The following STAP2 variants were observed in gnomAD, a reference collection of about 807,000 sequenced individuals.
STAP2 encodes the protein signal-transducing adaptor protein 2.
Under a neutral mutation model 52.7 loss-of-function variants are expected in STAP2, and 58 were observed. The observed-to-expected ratio is 1.10, with a 90% CI of 0.89 to 1.37. The LOEUF is 1.37. Among genes scored for constraint, STAP2 ranks in the 40% most tolerant of loss-of-function variants. STAP2 has a pLI of 0.00. For synonymous variants in STAP2, 231 were observed against 210.5 expected, an observed-to-expected ratio of 1.10 and a Z score of -0.84; for missense variants, 522 against 519.4, an observed-to-expected ratio of 1.00 and a Z score of -0.05.
chr19:4,325,746 G>A (rs1005995804), intron 9 of STAP2, among the ~76,000 whole-genome samples: 1 of 152,158 alleles, frequency 6.6e-6, no homozygotes, highest in Non-Finnish European at 1.5e-5. Flanking sequence ...CAGGGTGGGC[G>A]GATCACCTGA....
intron 9 of STAP2, 148 bp from the exon 10 acceptor site, chr19:4,325,693 G>A (rs925179200): frequency 1.8e-5 from 18 of 1,023,106 alleles, no homozygotes; most frequent in East Asian, 7.8e-5. Flanking sequence ...TGTCTGGGCC[G>A]GGCGCGGTGG....
At chr19:4,337,411 T>C (rs749088779) in intron 1 of STAP2, among the ~76,000 whole-genome samples, 1 of 150,924 alleles carries the variant, frequency 6.6e-6, no homozygotes, top group Admixed American at 6.6e-5. Flanking sequence ...TTTGTATTTT[T>C]AGTAGAGACG....
chr19:4,329,125 C>G, intron 5 of STAP2: 2 of 323,196 alleles, frequency 6.2e-6, no homozygotes, highest in Non-Finnish European at 1.1e-5. Flanking sequence ...CTCACAGGCC[C>G]GGCTAATTTT....
At chr19:4,328,600 C>T in intron 6 of STAP2, 75 bp downstream of exon 6, 1 of 1,529,816 alleles carries the variant, frequency 6.5e-7, no homozygotes. Context: ...TCCGCCCCTG[C>T]TTCTGACCAC....
chr19:4,331,876 G>A, intron 4 of STAP2, 146 bp downstream of exon 4: 5 of 694,156 alleles, frequency 7.2e-6, no homozygotes, highest in East Asian at 3.7e-5. Context: ...AGCTTGCAGT[G>A]AGCCGAGATC....
chr19:4,329,065 A>G, intron 5 of STAP2: 1 of 456,942 alleles, frequency 2.2e-6, no homozygotes, highest in Non-Finnish European at 3.8e-6. Flanking sequence ...CAATGGCGCT[A>G]TCTCGGCTCA....
At chr19:4,324,299 C>T (rs568738243) in intron 12 of STAP2, 102 bp from the exon 13 acceptor site, 14 of 1,355,576 alleles carry the variant, frequency 1.0e-5, no homozygotes, top group South Asian at 1.0e-4. Flanking sequence ...TGCAGGGCCC[C>T]GTGCAACAGG....
At chr19:4,338,525 G>C in intron 1 of STAP2, 127 bp downstream of exon 1, 1 of 862,490 alleles carries the variant, frequency 1.2e-6, no homozygotes, top group Non-Finnish European at 1.7e-6. Context: ...CAGTCCCCCA[G>C]CACGTGTCCT....
intron 6 of STAP2, 24 bp from the exon 7 acceptor site, chr19:4,327,409 G>C (rs781071181): frequency 6.2e-7 from 1 of 1,613,742 alleles, no homozygotes; most frequent in East Asian, 2.2e-5. Flanking sequence ...AAGCGAGTGA[G>C]TGGCTCAGCC....
chr19:4,327,215 G>A lies in STAP2; in HGVS notation c.672C>T (p.Thr224=), dbSNP rs752018305. The A allele has an allele frequency of 2.5e-6, 4 of 1,614,084 alleles. No individual in the cohort carries two copies. The highest frequency in any genetic ancestry group is 3.4e-6 in the Non-Finnish European group (4 of 1,180,038). ...VIDVEQPFSC[T]SLDAVVNYFV... ...AATAGTTGACCACGGCGTCCAGGGA[G>A]GTGCAAGAGAACTGGGGGCAGATGG... Residue 224 remains threonine (T), a synonymous_variant, in exon 8 of 13, where the codon ACC becomes ACT. Transcript: ENST00000594605.
chr19:4,326,746 T>C (rs1420469680), intron 9 of STAP2, among the ~76,000 whole-genome samples, 196 bp downstream of exon 9: 3 of 152,088 alleles, frequency 2.0e-5, no homozygotes, highest in Admixed American at 6.6e-5. Context: ...TGTCTGTGTT[T>C]AGCTCTGTCC....
At chr19:4,332,247 G>A (rs561634758) in intron 3 of STAP2, among the ~76,000 whole-genome samples, 169 bp from the exon 4 acceptor site, 7 of 116,436 alleles carry the variant, frequency 6.0e-5, no homozygotes, top group Admixed American at 4.9e-4. Context: ...TTCTTCTGTC[G>A]CCCAGGCTAG....
At chr19:4,335,115 C>A (rs997562001) in intron 1 of STAP2, among the ~76,000 whole-genome samples, 13 of 145,524 alleles carry the variant, frequency 8.9e-5, no homozygotes, top group Admixed American at 2.8e-4. Context: ...ATCCATCCAT[C>A]CATACATCCA....
Position 4,324,139 on chromosome 19 carries a change from C to T in STAP2, c.1206G>A (p.Glu402=). The part of the protein sequence containing the change: ...QKKLEKRRAL[E]H ...GGTCCCTGGTGTGTCCGAATCAGTG[C>T]TCCAGTGCCCGCCTCTTCTCCAGCT... The change falls in exon 13 of 13, where the codon GAG becomes GAA. Residue 402 remains glutamate, a synonymous_variant. Transcript: ENST00000594605. 6.4e-7 allele frequency: 1 copy of T among 1,551,518 alleles called. No homozygotes were observed. The highest frequency in any genetic ancestry group is 2.4e-5 in the East Asian group (1 of 40,922).
chr19:4,325,537 G>T lies in STAP2; in HGVS notation c.838C>A (p.Pro280Thr). The change falls in exon 10 of 13, where the codon CCC becomes ACC. Residue 280 changes from proline (P) to threonine (T), a missense_variant. Transcript: ENST00000594605. Reference sequence around the variant, plus strand: ...AGCGGCTTGGGGCCACCTGTGCAGGGTGCAGGACCTGATGGGGAAACGTGG... The same window carrying T: ...AGCGGCTTGGGGCCACCTGTGCAGGTTGCAGGACCTGATGGGGAAACGTGG... ...APSAPGPGPA[P>T]CTGGPKPLSP... 3 of 1,584,852 alleles carry T rather than the reference G, an allele frequency of 1.9e-6. No homozygotes were observed. Among genetic ancestry groups the T allele is most frequent in the South Asian group, 2.3e-5 (2 of 86,102 alleles).
chr19:4,324,489 T>A lies in STAP2; in HGVS notation c.1113A>T (p.Pro371=), dbSNP rs764568069. 12 of 1,576,390 alleles carry A rather than the reference T, an allele frequency of 7.6e-6. No individual in the cohort carries two copies. The South Asian group carries it at 1.2e-4, about 15-fold the overall frequency. Residue 371 remains proline, a synonymous_variant, in exon 12 of 13, where the codon CCA becomes CCT. Coordinates refer to ENST00000594605, the MANE Select transcript of STAP2 (RefSeq NM_001013841.2). ...GGAAGAGAGGCTGGGCTGAACTGAC[T>A]GGCAGCTTCCTGCCCAAGCCACCAT... The part of the protein sequence containing the change: ...VFNGGLGRKL[P]VSSAQPLFPT...
At chr19:4,331,106 G>C (rs866879824) in intron 4 of STAP2, among the ~76,000 whole-genome samples, 5 of 152,102 alleles carry the variant, frequency 3.3e-5, no homozygotes, top group Non-Finnish European at 5.9e-5. Flanking sequence ...AAGGAGGGTG[G>C]ATTGCTTGAG....
At chr19:4,327,947 T>TC (rs1971821691) in intron 6 of STAP2, among the ~76,000 whole-genome samples, 1 of 150,646 alleles carries the variant, frequency 6.6e-6, no homozygotes, top group South Asian at 2.1e-4. Context: ...CGGCCATGAC[T>TC]CCCCCCCGTA....
chr19:4,334,916 TCCC>T (rs1971955664), intron 1 of STAP2, among the ~76,000 whole-genome samples: 1 of 50,338 alleles, frequency 2.0e-5, no homozygotes, highest in Non-Finnish European at 3.8e-5. Flanking sequence ...CATCCATCCA[TCCC>T]TCCATAATCC....
Sources: allele counts gnomAD v4.1 joint callset (sites outside exome capture counted in the v4.1 genomes callset), GRCh38; gene constraint gnomAD v4.1.1; transcripts MANE v1.5; gene names NCBI Gene and HGNC (gene_info 2026-07-23, HGNC 2026-07-21).